PLEKHA7: variants seen among roughly 807,000 people sequenced by gnomAD.
PLEKHA7 encodes the protein pleckstrin homology domain-containing family A member 7.
A neutral mutation model predicts 170.0 loss-of-function variants in PLEKHA7; 104 were observed. That is an observed-to-expected ratio of 0.61 (90% CI 0.52 to 0.72). The LOEUF (loss-of-function observed/expected upper bound fraction) is 0.72, where lower values mean the gene tolerates loss of function less well. PLEKHA7 is among the 30% of genes least tolerant of loss of function. PLEKHA7 has a pLI of 0.00. For synonymous variants in PLEKHA7, 648 were observed against 660.8 expected (o/e 0.98, Z 0.30); for missense variants, 1,615 against 1,671.7 (o/e 0.97, Z 0.59).
At chr11:16,899,499 A>C (rs1380787237) in intron 3 of PLEKHA7, among the ~76,000 whole-genome samples, 3 of 152,202 alleles carry the variant, frequency 2.0e-5, no homozygotes, top group Non-Finnish European at 2.9e-5. Flanking sequence ...ACTCCATCTC[A>C]AAACAAAACT....
intron 3 of PLEKHA7, among the ~76,000 whole-genome samples, chr11:17,011,443 G>T (rs551307243): frequency 5.8e-4 from 88 of 152,196 alleles, no homozygotes; most frequent in South Asian, 3.1e-3. Context: ...TCCAATTACC[G>T]GCTAATGTCT....
intron 9 of PLEKHA7, among the ~76,000 whole-genome samples, chr11:16,827,330 T>C (rs1850734832): frequency 6.6e-6 from 1 of 152,232 alleles, no homozygotes; most frequent in Admixed American, 6.5e-5. Context: ...CTGTGAAGTA[T>C]TATTAGTCAG....
At chr11:16,869,022 A>AC (rs1190056487) in intron 4 of PLEKHA7, among the ~76,000 whole-genome samples, 1 of 152,158 alleles carries the variant, frequency 6.6e-6, no homozygotes, top group Non-Finnish European at 1.5e-5. Context: ...AACAACAGGC[A>AC]CCTGTGTCTC....
chr11:16,834,661 C>G (rs1204816789), intron 9 of PLEKHA7, among the ~76,000 whole-genome samples: 1 of 152,202 alleles, frequency 6.6e-6, no homozygotes, highest in Non-Finnish European at 1.5e-5. Flanking sequence ...GCCAAATAAC[C>G]TCCTTAGTTG....
chr11:16,948,571 G>A lies in PLEKHA7; in HGVS notation c.221+65418C>T, dbSNP rs117151611. ...TAAGATGGTATCTGCACAAATACAT[G>A]TGTTCACACATACATGCACACATAT... is the stretch of plus-strand genomic sequence containing the variant. On this transcript the variant is annotated intron_variant, in intron 3 of 26. Coordinates refer to ENST00000531066, the MANE Select transcript of PLEKHA7 (RefSeq NM_001329630.2). 2.2e-3 allele frequency among the ~76,000 whole-genome samples: 327 copies of A among 152,040 alleles called. 3 individuals are homozygous for A. The highest frequency in any genetic ancestry group is 3.1e-3 in the Non-Finnish European group (211 of 67,994).
intron 3 of PLEKHA7, among the ~76,000 whole-genome samples, chr11:16,958,549 G>C (rs1861849152): frequency 2.0e-5 from 3 of 152,162 alleles, no homozygotes; most frequent in Admixed American, 6.5e-5. Context: ...GGAATAATTA[G>C]TATAGTTTTT....
intron 3 of PLEKHA7, among the ~76,000 whole-genome samples, chr11:16,887,793 T>C (rs1419002528): frequency 6.6e-6 from 1 of 152,198 alleles, no homozygotes; most frequent in Non-Finnish European, 1.5e-5. Context: ...GTGCCGAGAT[T>C]CCAGCCTCTG....
At chr11:16,916,233 A>T (rs1858664662) in intron 3 of PLEKHA7, among the ~76,000 whole-genome samples, 1 of 152,018 alleles carries the variant, frequency 6.6e-6, no homozygotes, top group African/African-American at 2.4e-5. Flanking sequence ...TGTAAATTTG[A>T]GTTCATTGTA....
chr11:16,934,746 G>A (rs987833600), intron 3 of PLEKHA7, among the ~76,000 whole-genome samples: 2 of 152,102 alleles, frequency 1.3e-5, no homozygotes, highest in Non-Finnish European at 1.5e-5. Context: ...TCAGTGTATG[G>A]TCTTCATATT....
At chr11:16,863,542 C>A (rs2135558906) in intron 4 of PLEKHA7, among the ~76,000 whole-genome samples, 1 of 152,286 alleles carries the variant, frequency 6.6e-6, no homozygotes, top group Middle Eastern at 3.4e-3. Context: ...CAACCTTAGG[C>A]CCCACCTCAA....
intron 7 of PLEKHA7, among the ~76,000 whole-genome samples, 170 bp from the exon 8 acceptor site, chr11:16,851,461 T>C (rs1218583212): frequency 6.6e-6 from 1 of 152,158 alleles, no homozygotes; most frequent in East Asian, 1.9e-4. Flanking sequence ...TATTTATTTT[T>C]TTTTTGAGAC....
chr11:16,818,867 A>C (rs570876510), intron 10 of PLEKHA7, among the ~76,000 whole-genome samples: 78 of 151,152 alleles, frequency 5.2e-4, no homozygotes, highest in Non-Finnish European at 1.1e-3. Context: ...GCAGTGGTGC[A>C]ATCTCTGCTC....
intron 3 of PLEKHA7, among the ~76,000 whole-genome samples, chr11:16,907,348 C>T (rs1248370693): frequency 2.9e-5 from 4 of 138,014 alleles, no homozygotes; most frequent in Non-Finnish European, 6.4e-5. Context: ...AGAGAGGAGC[C>T]CCTCTGCCCG....
At chr11:16,906,220 G>GAGGA (rs1240772520) in intron 3 of PLEKHA7, among the ~76,000 whole-genome samples, 1 of 110,758 alleles carries the variant, frequency 9.0e-6, no homozygotes, top group Admixed American at 9.9e-5. Flanking sequence ...AAGTTAAAAT[G>GAGGA]AGGTAGGAAG....
intron 3 of PLEKHA7, among the ~76,000 whole-genome samples, chr11:16,897,366 C>T (rs372622752): frequency 6.6e-6 from 1 of 152,138 alleles, no homozygotes. Context: ...CCCAGCTGCA[C>T]AGCCCCATTC....
chr11:16,868,534 T>C (rs370868398), intron 4 of PLEKHA7, among the ~76,000 whole-genome samples: 2 of 152,212 alleles, frequency 1.3e-5, no homozygotes, highest in South Asian at 4.1e-4. Context: ...TCTGTGTTGC[T>C]TGCTGCTGTA....
intron 9 of PLEKHA7, among the ~76,000 whole-genome samples, chr11:16,834,736 G>A (rs958155509): frequency 6.6e-6 from 1 of 152,158 alleles, no homozygotes; most frequent in Non-Finnish European, 1.5e-5. Flanking sequence ...GTATTATGGC[G>A]GAAGTCAGTA....
intron 17 of PLEKHA7, among the ~76,000 whole-genome samples, chr11:16,798,447 A>G (rs1274672887): frequency 2.0e-5 from 3 of 151,032 alleles, no homozygotes; most frequent in South Asian, 2.1e-4. Context: ...CAGTGTATCT[A>G]TTTGCTTTTG....
chr11:16,857,977 C>G (rs1471092908), intron 4 of PLEKHA7, among the ~76,000 whole-genome samples: 1 of 152,226 alleles, frequency 6.6e-6, no homozygotes, highest in East Asian at 1.9e-4. Context: ...CCTCGGCCTC[C>G]CAAAGAGCTG....
Sources: allele counts gnomAD v4.1 joint callset (sites outside exome capture counted in the v4.1 genomes callset), GRCh38; gene constraint gnomAD v4.1.1; transcripts MANE v1.5; gene names NCBI Gene and HGNC (gene_info 2026-07-23, HGNC 2026-07-21).